Variants in PKD1L1 observed in about 807,000 individuals in gnomAD.
PKD1L1 encodes polycystin-1-like protein 1.
PKD1L1 carries 236 observed loss-of-function variants against 323.4 expected under a neutral mutation model. That is an observed-to-expected ratio of 0.73 (90% CI 0.66 to 0.81). The LOEUF is 0.81. Ranked by LOEUF, PKD1L1 falls within the 40% of genes least tolerant of loss-of-function variation. The pLI is 0.00. For missense variants in PKD1L1, 3,320 were observed against 3,508.0 expected (o/e 0.95, Z 1.35); for synonymous variants, 1,344 against 1,335.0 (o/e 1.01, Z -0.15).
At chr7:47,907,955 G>C (rs1457487496) in intron 9 of PKD1L1, 122 bp downstream of exon 9, 1 of 925,878 alleles carries the variant, frequency 1.1e-6, no homozygotes, top group African/African-American at 1.7e-5. Flanking sequence ...AGGGAAGAAT[G>C]AATGAAGGAT....
At position 47,830,077 on chromosome 7, in the gene PKD1L1, G is replaced by A. The variant is rs1785313746; in HGVS notation, c.6521C>T (p.Ser2174Phe). The A allele has an allele frequency of 6.2e-7, 1 of 1,614,200 alleles. No homozygotes were observed. The highest frequency in any genetic ancestry group is 8.5e-7 in the Non-Finnish European group (1 of 1,180,042). Residue 2174 changes from serine (S) to phenylalanine (F), a missense_variant, in exon 43 of 57, where the codon TCC (serine) becomes TTC (phenylalanine). Transcript: ENST00000289672. ...CVQWLHLLSLSVVCCIFITQP... is the reference protein window; with the variant it reads ...CVQWLHLLSLFVVCCIFITQP... ...GGTGATGAAAATACAGCAGACCACG[G>A]AGAGGGACAGCAGGTGCAGCCACTG...
At chr7:47,789,278 C>T (rs1055730974) in intron 56 of PKD1L1, among the ~76,000 whole-genome samples, 1 of 152,168 alleles carries the variant, frequency 6.6e-6, no homozygotes, top group African/African-American at 2.4e-5. Context: ...TCTGTCTCTA[C>T]TCAAGTCAGT....
chr7:47,859,124 G>A (rs1276738400), intron 26 of PKD1L1, among the ~76,000 whole-genome samples: 10 of 152,220 alleles, frequency 6.6e-5, no homozygotes, highest in African/African-American at 2.4e-4. Flanking sequence ...GTCTCTAGGT[G>A]ACTATTGGCC....
At chr7:47,865,384 T>C in intron 25 of PKD1L1, 112 bp from the exon 26 acceptor site, 1 of 939,324 alleles carries the variant, frequency 1.1e-6, no homozygotes, top group African/African-American at 1.7e-5. Flanking sequence ...GATTCCCTGC[T>C]TTTTGGCCAA....
intron 52 of PKD1L1, among the ~76,000 whole-genome samples, chr7:47,807,712 C>T (rs1013853088): frequency 6.6e-5 from 10 of 152,138 alleles, no homozygotes; most frequent in African/African-American, 2.4e-4. Flanking sequence ...TTTGCCTGGT[C>T]CTCCTGGTAG....
In PKD1L1 at chr7:47,877,641, A is replaced by G; in HGVS notation, c.3521-10T>C. 1 of 1,612,808 alleles carries G rather than the reference A, an allele frequency of 6.2e-7. No homozygotes were observed. Among genetic ancestry groups the G allele is most frequent in the Non-Finnish European group, 8.5e-7 (1 of 1,179,210 alleles). ...AAGCCATGCTTCGAAGCTAAAGAGAAAGATGAAGCAGCGGTTTCACCCATG... is the reference window on the plus strand; with the variant it reads ...AAGCCATGCTTCGAAGCTAAAGAGAGAGATGAAGCAGCGGTTTCACCCATG... On this transcript the variant is annotated splice_polypyrimidine_tract_variant and intron_variant, in intron 21 of 56. Coordinates refer to ENST00000289672, the MANE Select transcript of PKD1L1 (RefSeq NM_138295.5).
At chr7:47,850,617 A>G (rs1268900660) in intron 31 of PKD1L1, among the ~76,000 whole-genome samples, 1 of 139,318 alleles carries the variant, frequency 7.2e-6, no homozygotes, top group Non-Finnish European at 1.5e-5. Context: ...GGGCAACAAG[A>G]GCAAGACTCT....
intron 52 of PKD1L1, among the ~76,000 whole-genome samples, chr7:47,806,232 A>G (rs1298976683): frequency 6.6e-6 from 1 of 152,190 alleles, no homozygotes; most frequent in Non-Finnish European, 1.5e-5. Flanking sequence ...AGGTGAAAAG[A>G]ACATCCTACA....
chr7:47,882,164 A>G lies in PKD1L1; in HGVS notation c.3266-79T>C, dbSNP rs1786571429. 6 of 1,397,186 alleles carry G rather than the reference A, an allele frequency of 4.3e-6. No individual in the cohort carries two copies. In the East Asian group the frequency reaches 1.2e-4, roughly 27 times the overall value. 86.5% of individuals were successfully genotyped at this position (1,397,186 alleles called of 1,614,324 possible). A position where few individuals can be genotyped will look rare whatever the true frequency, so the allele number is the denominator to read the frequency against. The stretch of plus-strand genomic sequence containing the variant: ...TTAAAGCATTAGTGATTCAATGCTG[A>G]TATTAATAACTATTTGTACTATTGC... On this transcript the variant is annotated intron_variant, in intron 19 of 56. Coordinates refer to ENST00000289672, the MANE Select transcript of PKD1L1 (RefSeq NM_138295.5).
intron 7 of PKD1L1, among the ~76,000 whole-genome samples, chr7:47,923,714 C>T (rs919681656): frequency 1.3e-5 from 2 of 151,776 alleles, no homozygotes; most frequent in Admixed American, 6.6e-5. Flanking sequence ...TAGAAGCCAA[C>T]GCCATTTATG....
intron 24 of PKD1L1, among the ~76,000 whole-genome samples, chr7:47,868,611 C>T (rs1052728529): frequency 3.3e-5 from 5 of 152,162 alleles, no homozygotes; most frequent in Admixed American, 6.5e-5. Context: ...CGTGGTGGCT[C>T]ATGCCTGTAA....
At chr7:47,862,114 G>A (rs1184264734) in intron 26 of PKD1L1, among the ~76,000 whole-genome samples, 1 of 151,618 alleles carries the variant, frequency 6.6e-6, no homozygotes, top group Non-Finnish European at 1.5e-5. Flanking sequence ...AGAATCACTT[G>A]AACCCGGAAG....
chr7:47,857,707 A>G lies in PKD1L1; in HGVS notation c.4488T>C (p.Ala1496=), dbSNP rs1381419010. ...SVQVHLPGDL[A]GHSPAGAETQ... ...TCTCCGCCCCAGCAGGACTGTGCCCAGCAAGGTCACCAGGTAAATGCACCT... is the reference window on the plus strand; with the variant it reads ...TCTCCGCCCCAGCAGGACTGTGCCCGGCAAGGTCACCAGGTAAATGCACCT... Residue 1496 remains alanine, a synonymous_variant, in exon 28 of 57, where the codon GCT becomes GCC. Coordinates refer to ENST00000289672, the MANE Select transcript of PKD1L1 (RefSeq NM_138295.5). 1 of 1,614,100 alleles carries G rather than the reference A, an allele frequency of 6.2e-7. No individual in the cohort carries two copies. Among genetic ancestry groups the G allele is most frequent in the South Asian group, 1.1e-5 (1 of 91,074 alleles).
At chr7:47,942,299 G>T (rs529766241) in intron 2 of PKD1L1, among the ~76,000 whole-genome samples, 178 of 152,198 alleles carry the variant, frequency 1.2e-3, no homozygotes, top group Non-Finnish European at 2.1e-3. Flanking sequence ...TGCTCTGTAC[G>T]TAAGCAGCAG....
intron 39 of PKD1L1, 21 bp downstream of exon 39, chr7:47,834,946 A>C: frequency 6.2e-7 from 1 of 1,607,140 alleles, no homozygotes; most frequent in South Asian, 1.1e-5. Context: ...AGAGTTTCTG[A>C]GAGTTTTAAT....
At chr7:47,781,575 A>AT (rs1333924695) in intron 56 of PKD1L1, among the ~76,000 whole-genome samples, 2 of 151,188 alleles carry the variant, frequency 1.3e-5, no homozygotes, top group South Asian at 4.2e-4. Flanking sequence ...TGCCCAGCTA[A>AT]TTTTTTTGTA....
At chr7:47,807,444 G>A (rs999709870) in intron 52 of PKD1L1, among the ~76,000 whole-genome samples, 5 of 152,094 alleles carry the variant, frequency 3.3e-5, no homozygotes, top group African/African-American at 9.7e-5. Flanking sequence ...GAGGGGAACT[G>A]GCCCTTGTTC....
At chr7:47,865,846 T>C (rs1172293528) in intron 25 of PKD1L1, among the ~76,000 whole-genome samples, 1 of 151,740 alleles carries the variant, frequency 6.6e-6, no homozygotes, top group East Asian at 1.9e-4. Context: ...CTGCCTGCCT[T>C]GGCCTCCCAA....
chr7:47,813,447 G>A (rs1421774875), intron 48 of PKD1L1, 154 bp from the exon 49 acceptor site: 25 of 832,342 alleles, frequency 3.0e-5, no homozygotes, highest in Admixed American at 2.6e-4. Flanking sequence ...AGCCTGTTTC[G>A]TGGTCTACAG....
Sources: allele counts gnomAD v4.1 joint callset (sites outside exome capture counted in the v4.1 genomes callset), GRCh38; gene constraint gnomAD v4.1.1; transcripts MANE v1.5; gene names NCBI Gene and HGNC (gene_info 2026-07-23, HGNC 2026-07-21).